The following ALG6 variants were observed in gnomAD, a reference collection of about 807,000 sequenced individuals.
ALG6 encodes ALG6 alpha-1,3-glucosyltransferase.
A neutral mutation model predicts 66.6 loss-of-function variants in ALG6; 46 were observed. The observed-to-expected ratio is 0.69, with a 90% CI of 0.55 to 0.88. The LOEUF is 0.88. Among genes scored for constraint, ALG6 ranks in the 40% least tolerant of loss-of-function variants. The pLI is 0.00. For missense variants in ALG6, 505 were observed against 586.8 expected, an observed-to-expected ratio of 0.86 and a Z score of 1.44; for synonymous variants, 185 against 203.7, an observed-to-expected ratio of 0.91 and a Z score of 0.78.
intron 2 of ALG6, 31 bp downstream of exon 2, chr1:63,371,090 C>A (rs368534328): frequency 8.4e-6 from 12 of 1,426,286 alleles, no homozygotes; most frequent in African/African-American, 2.8e-5. Context: ...AAAAAAAAAA[C>A]GAAATTTTCC....
At chr1:63,401,378 A>G (rs1170314461) in intron 3 of ALG6, among the ~76,000 whole-genome samples, 2 of 152,258 alleles carry the variant, frequency 1.3e-5, no homozygotes, top group South Asian at 2.1e-4. Context: ...CATTTGAAAT[A>G]AGTTAGGCCG....
intron 2 of ALG6, among the ~76,000 whole-genome samples, chr1:63,393,685 G>T (rs901190960): frequency 4.6e-5 from 7 of 152,172 alleles, no homozygotes; most frequent in African/African-American, 1.7e-4. Flanking sequence ...ATGTTTTTGG[G>T]TGAGAACTCA....
At chr1:63,375,918 T>C (rs1273909835) in intron 2 of ALG6, among the ~76,000 whole-genome samples, 10 of 152,234 alleles carry the variant, frequency 6.6e-5, no homozygotes, top group Admixed American at 6.5e-4. Context: ...TTCTTACCTT[T>C]TACATTTTCT....
At chr1:63,401,362 G>C (rs915478314) in intron 3 of ALG6, among the ~76,000 whole-genome samples, 1 of 152,068 alleles carries the variant, frequency 6.6e-6, no homozygotes, top group Non-Finnish European at 1.5e-5. Context: ...GTGAGGAATT[G>C]TGACCCATTT....
chr1:63,425,841 A>G (rs1644612472), intron 12 of ALG6, among the ~76,000 whole-genome samples: 1 of 152,100 alleles, frequency 6.6e-6, no homozygotes, highest in Non-Finnish European at 1.5e-5. Flanking sequence ...GTAAAAAGGG[A>G]AAAGGCCATC....
chr1:63,411,075 G>A, intron 7 of ALG6, 71 bp from the exon 8 acceptor site: 3 of 1,479,588 alleles, frequency 2.0e-6, no homozygotes, highest in Admixed American at 1.7e-5. Context: ...CATATCTCTT[G>A]TGTGATTTGC....
rs6588028 is a variant in ALG6 at position 63,407,200 on chromosome 1, A to G, written c.494+74A>G. The stretch of plus-strand genomic sequence containing the variant: ...TAGACTCAATGTGTACATTGCTGTC[A>G]TCTAGTAATGTCTTATTTGATAGAG... On this transcript the variant is annotated intron_variant, in intron 7 of 14. Coordinates refer to ENST00000263440, the MANE Select transcript of ALG6 (RefSeq NM_013339.4). The G allele has an allele frequency of 0.54, 576,319 of 1,062,662 alleles. 161,560 individuals are homozygous for G. The highest frequency in any genetic ancestry group is 0.79 in the African/African-American group (51,031 of 64,374). 65.8% of individuals were successfully genotyped at this position (1,062,662 alleles called of 1,614,324 possible).
chr1:63,418,375 A>C (rs962471886), intron 11 of ALG6, among the ~76,000 whole-genome samples: 1 of 151,110 alleles, frequency 6.6e-6, no homozygotes, highest in Admixed American at 6.6e-5. Flanking sequence ...GAAGTGAATG[A>C]CCAACCAGAA....
intron 3 of ALG6, among the ~76,000 whole-genome samples, chr1:63,400,030 A>G (rs1644438777): frequency 6.7e-6 from 1 of 150,124 alleles, no homozygotes; most frequent in Admixed American, 6.7e-5. Context: ...CCCCATCTCT[A>G]CTAAAAATAT....
intron 2 of ALG6, among the ~76,000 whole-genome samples, chr1:63,380,530 G>T (rs1050808680): frequency 1.1e-4 from 16 of 152,070 alleles, no homozygotes; most frequent in African/African-American, 3.4e-4. Context: ...TATTTAGTTT[G>T]CAATCTTTTT....
chr1:63,407,099 T>G lies in ALG6; in HGVS notation c.467T>G (p.Leu156Arg), dbSNP rs1414152823. ...TTATGCATCTTGCTGTATCCAGGCC[T>G]TATTCTTATAGACTATGGACATTTT... ...NALCILLYPGLILIDYGHFQY... is the reference protein window; with the variant it reads ...NALCILLYPGRILIDYGHFQY... Residue 156 changes from leucine to arginine, a missense_variant, in exon 7 of 15, where the codon CTT (leucine) becomes CGT (arginine). By Grantham distance (102) the Leu-to-Arg change is moderately radical. Coordinates refer to ENST00000263440, the MANE Select transcript of ALG6 (RefSeq NM_013339.4). The G allele has an allele frequency of 6.2e-7, 1 of 1,609,354 alleles. No homozygotes were observed. The highest frequency in any genetic ancestry group is 2.2e-5 in the East Asian group (1 of 44,720).
In ALG6 at chr1:63,419,372, T is replaced by A. The variant is rs1274225543; in HGVS notation, c.990T>A (p.Val330=). 6.2e-7 allele frequency: 1 copy of A among 1,610,016 alleles called. No homozygotes were observed. Among genetic ancestry groups the A allele is most frequent in the Non-Finnish European group, 8.5e-7 (1 of 1,177,676 alleles). ...PSSKGFKFTL[V]SCALSFFLFS... ...TTTCCCCCCCTTTTTTCTTAAAGGT[T>A]AGCTGTGCGCTATCATTCTTTTTAT... Residue 330 remains valine (V), a splice_region_variant and synonymous_variant, in exon 12 of 15, where the codon GTT becomes GTA. Coordinates refer to ENST00000263440, the MANE Select transcript of ALG6 (RefSeq NM_013339.4).
chr1:63,397,877 C>T (rs1189488714), intron 3 of ALG6, among the ~76,000 whole-genome samples: 2 of 152,192 alleles, frequency 1.3e-5, no homozygotes, highest in African/African-American at 4.8e-5. Context: ...CTACATATTT[C>T]ACTGGGTTAT....
chr1:63,415,790 ATATTTAAAAAATATTTCCT>A, intron 10 of ALG6, 64 bp from the exon 11 acceptor site: 3 of 787,128 alleles, frequency 3.8e-6, no homozygotes, highest in Non-Finnish European at 6.2e-6. Context: ...TATGATCCTT[ATATTTAAAAAATATTTCCT>A]TATTTAAGCT....
chr1:63,419,541 G>T, intron 12 of ALG6, 101 bp downstream of exon 12: 1 of 830,548 alleles, frequency 1.2e-6, no homozygotes, highest in Non-Finnish European at 1.8e-6. Flanking sequence ...CTACACAAAT[G>T]TTATATCTTT....
chr1:63,378,654 A>G (rs757312377), intron 2 of ALG6, among the ~76,000 whole-genome samples: 4 of 152,162 alleles, frequency 2.6e-5, no homozygotes, highest in Non-Finnish European at 4.4e-5. Context: ...CATTGACTTT[A>G]TAGTTCTCAG....
intron 2 of ALG6, among the ~76,000 whole-genome samples, chr1:63,394,664 G>C (rs999828985): frequency 6.6e-6 from 1 of 151,950 alleles, no homozygotes; most frequent in Non-Finnish European, 1.5e-5. Flanking sequence ...CACCACGCCC[G>C]GCCACCTTTA....
At chr1:63,412,964 T>G (rs1416351998) in intron 9 of ALG6, among the ~76,000 whole-genome samples, 2 of 152,178 alleles carry the variant, frequency 1.3e-5, no homozygotes, top group East Asian at 3.8e-4. Flanking sequence ...TGAAAGCGAC[T>G]AAGATGGGAG....
At chr1:63,396,448 G>A (rs1648828653) in intron 2 of ALG6, 65 bp from the exon 3 acceptor site, 1 of 1,360,992 alleles carries the variant, frequency 7.3e-7, no homozygotes, top group African/African-American at 1.4e-5. Context: ...ATTTTCATAA[G>A]GAAATAAAAA....
Sources: gnomAD v4.1 joint callset for allele counts (sites outside exome capture counted in the v4.1 genomes callset) on GRCh38, gnomAD v4.1.1 for gene constraint, MANE v1.5 for transcripts, NCBI Gene and HGNC (gene_info 2026-07-23, HGNC 2026-07-21) for gene names.